Variants in NPR1 observed in about 807,000 individuals in gnomAD.
NPR1 encodes the protein natriuretic peptide receptor 1.
NPR1 carries 57 observed loss-of-function variants against 116.9 expected under a neutral mutation model. That is an observed-to-expected ratio of 0.49 (90% confidence interval 0.39 to 0.61). The LOEUF is 0.61. Among genes scored for constraint, NPR1 ranks in the 20% least tolerant of loss-of-function variants. The pLI is 0.00. For missense variants in NPR1, 1,096 were observed against 1,409.8 expected (o/e 0.78, Z 3.56); for synonymous variants, 555 against 601.6 (o/e 0.92, Z 1.13).
In NPR1 at chr1:153,679,738, C is replaced by G. The variant is rs1211890775; in HGVS notation, c.630C>G (p.Arg210=). The G allele has an allele frequency of 6.2e-7, 1 of 1,600,692 alleles. No homozygotes were observed. The highest frequency in any genetic ancestry group is 1.3e-5 in the African/African-American group (1 of 74,794). The change falls in exon 1 of 22, where the codon CGC becomes CGG. Residue 210 remains arginine, a synonymous_variant. Transcript: ENST00000368680. The surrounding 1 kb of genome is among the most constrained non-coding windows in gnomAD (Gnocchi z 4.2). ...VEGLFMRVRD[R]LNITVDHLEF... is the part of the protein sequence containing the mutation. ...GGCTGTTCATGCGGGTCCGCGACCG[C>G]CTCAATATTACGGTGGACCACCTGG...
chr1:153,682,548 T>G lies in NPR1; in HGVS notation c.1222T>G (p.Phe408Val). 1.9e-6 allele frequency: 3 copies of G among 1,614,040 alleles called. No homozygotes were observed. The highest frequency in any genetic ancestry group is 2.5e-6 in the Non-Finnish European group (3 of 1,179,942). The change falls in exon 5 of 22, where the codon TTC becomes GTC. Residue 408 changes from phenylalanine (F) to valine (V), a missense_variant. Phe to Val is a conservative substitution (Grantham distance 50). Coordinates refer to ENST00000368680, the MANE Select transcript of NPR1 (RefSeq NM_000906.4). Reference protein sequence around the residue: ...IDSSGDRETDFSLWDMDPENG... With the variant: ...IDSSGDRETDVSLWDMDPENG... ...TAGCAGTGGCGATCGGGAAACAGACTTCTCCCTCTGGGATATGGATCCCGA... is the reference window on the plus strand; with the variant it reads ...TAGCAGTGGCGATCGGGAAACAGACGTCTCCCTCTGGGATATGGATCCCGA...
chr1:153,686,049 C>A (rs1323250529), intron 9 of NPR1, 74 bp from the exon 10 acceptor site: 3 of 1,515,112 alleles, frequency 2.0e-6, no homozygotes, highest in African/African-American at 1.4e-5. Flanking sequence ...CAGGGATGGG[C>A]TGTCGGGAGC....
Position 153,679,399 on chromosome 1 carries a change from G to T in NPR1, c.291G>T (p.Ala97=). ...TGGGCGTCTGCTCCGACACCGCAGCGCCCCTGGCCGCGGTGGACCTCAAGT... is the reference window on the plus strand; with the variant it reads ...TGGGCGTCTGCTCCGACACCGCAGCTCCCCTGGCCGCGGTGGACCTCAAGT... ...NALGVCSDTA[A]PLAAVDLKWE... Residue 97 remains alanine, a synonymous_variant, in exon 1 of 22, where the codon GCG becomes GCT. Coordinates refer to ENST00000368680, the MANE Select transcript of NPR1 (RefSeq NM_000906.4). The surrounding 1 kb of genome is among the most constrained non-coding windows in gnomAD (Gnocchi z 4.2). 6.5e-7 allele frequency: 1 copy of T among 1,540,556 alleles called. No homozygotes were observed. Among genetic ancestry groups the T allele is most frequent in the Non-Finnish European group, 8.7e-7 (1 of 1,148,210 alleles).
intron 1 of NPR1, 71 bp from the exon 2 acceptor site, chr1:153,680,430 C>A: frequency 6.9e-7 from 1 of 1,447,506 alleles, no homozygotes; most frequent in Non-Finnish European, 9.7e-7. Context: ...CCCTTGGGTG[C>A]CCCAGCTTTC....
Position 153,693,626 on chromosome 1 carries a change from C to A in NPR1, c.*212C>A, listed in dbSNP as rs1293020168. ...CTCAGAGCTTACAGGCTGAGCCAAG[C>A]CCACGGCCATGCACAGGGACACTCA... On this transcript the variant is annotated 3_prime_UTR_variant, in exon 22 of 22. Coordinates refer to ENST00000368680, the MANE Select transcript of NPR1 (RefSeq NM_000906.4). The A allele has an allele frequency of 7.9e-6, 4 of 503,232 alleles. No individual in the cohort carries two copies. Among genetic ancestry groups the A allele is most frequent in the African/African-American group, 5.9e-5 (3 of 50,784 alleles). The allele number at this position is 503,232 out of a possible 1,614,324, so 31.2% of individuals were successfully genotyped here.
chr1:153,690,489 C>T (rs1312900135), intron 20 of NPR1, 107 bp downstream of exon 20: 6 of 737,120 alleles, frequency 8.1e-6, no homozygotes, highest in South Asian at 3.6e-5. Context: ...CTAGCCCTTT[C>T]GCCTCCCAAG....
At chr1:153,686,008 G>A in intron 9 of NPR1, 115 bp from the exon 10 acceptor site, 1 of 1,372,652 alleles carries the variant, frequency 7.3e-7, no homozygotes, top group Non-Finnish European at 1.0e-6. Flanking sequence ...CCTGGGGGTG[G>A]GCTATTGGGA....
chr1:153,687,820 C>A, intron 14 of NPR1, 31 bp downstream of exon 14: 1 of 1,551,464 alleles, frequency 6.4e-7, no homozygotes, highest in South Asian at 1.2e-5. Context: ...TTAAACCCAG[C>A]CACAGTCTCA....
chr1:153,686,917 T>C (rs1460104497), intron 11 of NPR1, 99 bp from the exon 12 acceptor site: 4 of 1,370,318 alleles, frequency 2.9e-6, no homozygotes, highest in Non-Finnish European at 4.1e-6. Context: ...TCCAAAGTTT[T>C]GTCCTGTTCT....
In NPR1 at chr1:153,689,623, C is replaced by T. The variant is rs141614878; in HGVS notation, c.2757+102C>T. On this transcript the variant is annotated intron_variant, in intron 18 of 21. Coordinates refer to ENST00000368680, the MANE Select transcript of NPR1 (RefSeq NM_000906.4). This position sits in a 1 kb window ranked among gnomAD's most constrained non-coding sequence, Gnocchi z 5.1. ...GATGTGGAGTCTTAAGAGAGGAGAT[C>T]GGGGACACGGGCAGAGACAGTGACA... 1.4e-4 allele frequency: 177 copies of T among 1,292,772 alleles called. 1 individual carries two copies. In the African/African-American group the frequency reaches 2.1e-3, roughly 15 times the overall value. The allele number at this position is 1,292,772 out of a possible 1,614,324, so 80.1% of individuals were successfully genotyped here.
At chr1:153,685,735 C>A in intron 8 of NPR1, 71 bp from the exon 9 acceptor site, 1 of 1,187,576 alleles carries the variant, frequency 8.4e-7, no homozygotes, top group Non-Finnish European at 1.3e-6. Context: ...AAATAAAGAC[C>A]AGAGCACAAG....
At chr1:153,690,963 A>T (rs2101740869) in intron 20 of NPR1, among the ~76,000 whole-genome samples, 1 of 150,866 alleles carries the variant, frequency 6.6e-6, no homozygotes, top group African/African-American at 2.4e-5. Flanking sequence ...AAAAAAAAAA[A>T]AAAAAAGACC....
At chr1:153,686,228 G>A (rs963121818) in intron 10 of NPR1, 28 bp downstream of exon 10, 22 of 1,604,818 alleles carry the variant, frequency 1.4e-5, no homozygotes, top group Admixed American at 1.3e-4. Flanking sequence ...GCAGTGGCAT[G>A]GAGAAGGGGC....
chr1:153,687,663 C>T lies in NPR1; in HGVS notation c.2122C>T (p.Arg708Ter), dbSNP rs1214054235. 3 of 1,597,252 alleles carry T rather than the reference C, an allele frequency of 1.9e-6. No homozygotes were observed. Among genetic ancestry groups the T allele is most frequent in the Non-Finnish European group, 2.6e-6 (3 of 1,167,960 alleles). ...GCTGTGGACGGCCCCTGAGCTCCTGCGAATGGCTTCACCCCCTGTGCGGGG... is the reference window on the plus strand; with the variant it reads ...GCTGTGGACGGCCCCTGAGCTCCTGTGAATGGCTTCACCCCCTGTGCGGGG... ...KKLWTAPELL[R>*]MASPPVRGSQ... The change falls in exon 14 of 22, where the codon CGA becomes TGA. Residue 708 changes from arginine to a stop codon, truncating the protein, a stop_gained. Transcript: ENST00000368680. LOFTEE classifies it high-confidence loss of function.
At chr1:153,692,337 G>T (rs11589351) in intron 20 of NPR1, among the ~76,000 whole-genome samples, 1 of 152,104 alleles carries the variant, frequency 6.6e-6, no homozygotes, top group Non-Finnish European at 1.5e-5. Context: ...CAAAGTGCCA[G>T]CTCCTAACCA....
intron 8 of NPR1, among the ~76,000 whole-genome samples, chr1:153,685,429 C>T (rs991998051): frequency 7.2e-5 from 11 of 152,106 alleles, no homozygotes; most frequent in Non-Finnish European, 1.2e-4. Context: ...TTTGGGAGAC[C>T]GAGGCAGGAG....
At position 153,679,004 on chromosome 1, in the gene NPR1, C is replaced by T. The variant is rs911282843; in HGVS notation, c.-105C>T. The T allele has an allele frequency of 3.2e-5, 42 of 1,307,848 alleles. No individual in the cohort carries two copies. The South Asian group carries it at 7.4e-4, about 23-fold the overall frequency. 81.0% of individuals were successfully genotyped at this position (1,307,848 alleles called of 1,614,324 possible). A position where few individuals can be genotyped will look rare whatever the true frequency, so the allele number is the denominator to read the frequency against. ...TGAGCGTCCCCGTCCCGCTCCTGCT[C>T]CTTCCCATAGGGACGCGCCTGATGC... is the stretch of plus-strand genomic sequence containing the variant. On this transcript the variant is annotated 5_prime_UTR_variant, in exon 1 of 22. Transcript: ENST00000368680. The surrounding 1 kb of genome is among the most constrained non-coding windows in gnomAD (Gnocchi z 4.2).
chr1:153,680,240 A>C (rs1382374145), intron 1 of NPR1, among the ~76,000 whole-genome samples: 2 of 98,438 alleles, frequency 2.0e-5, no homozygotes, highest in Non-Finnish European at 4.1e-5. Flanking sequence ...CTTCAGCTCC[A>C]CTATCCCCCT....
In NPR1 at chr1:153,689,057, A is replaced by T; in HGVS notation, c.2522A>T (p.Glu841Val). 1 of 1,614,194 alleles carries T rather than the reference A, an allele frequency of 6.2e-7. No individual in the cohort carries two copies. Among genetic ancestry groups the T allele is most frequent in the Non-Finnish European group, 8.5e-7 (1 of 1,180,034 alleles). The change falls in exon 16 of 22, where the codon GAG (glutamate) becomes GTG (valine). Residue 841 changes from glutamate (E) to valine (V), a missense_variant. Glu to Val is a moderately radical substitution (Grantham distance 121). Coordinates refer to ENST00000368680, the MANE Select transcript of NPR1 (RefSeq NM_000906.4). This position sits in a 1 kb window ranked among gnomAD's most constrained non-coding sequence, Gnocchi z 5.1. ...VEERTQAYLE[E>V]KRKAEALLYQ... ...GAGCGGACCCAGGCATACCTGGAGG[A>T]GAAGCGCAAGGCTGAGGCCCTGCTC...
Sources: allele counts gnomAD v4.1 joint callset (sites outside exome capture counted in the v4.1 genomes callset), GRCh38; gene constraint gnomAD v4.1.1; non-coding constraint Gnocchi (gnomAD v3.1); transcripts MANE v1.5; gene names NCBI Gene and HGNC (gene_info 2026-07-23, HGNC 2026-07-21).